Variants in OXR1 observed in about 807,000 individuals in gnomAD.
The protein encoded by OXR1 is oxidation resistance protein 1.
In OXR1, 41 loss-of-function variants were observed where a neutral mutation model predicts 104.6. That is an observed-to-expected ratio of 0.39 (90% CI 0.31 to 0.51). OXR1 has a LOEUF of 0.51. OXR1 is among the 20% of genes least tolerant of loss of function. The probability of loss-of-function intolerance (pLI) is 0.77; values close to 1 mark genes in which losing one functional copy is unlikely to be tolerated. For synonymous variants in OXR1, 348 were observed against 348.4 expected, an observed-to-expected ratio of 1.00 and a Z score of 0.01; for missense variants, 955 against 1,031.9, an observed-to-expected ratio of 0.93 and a Z score of 1.02.
At chr8:106,590,273 T>TC (rs1818973382) in intron 3 of OXR1, among the ~76,000 whole-genome samples, 1 of 151,910 alleles carries the variant, frequency 6.6e-6, no homozygotes, top group Non-Finnish European at 1.5e-5. Flanking sequence ...AGGTTTTTGG[T>TC]TTTTGTTGTT....
chr8:106,692,642 A>G, intron 6 of OXR1, 86 bp from the exon 7 acceptor site: 1 of 697,666 alleles, frequency 1.4e-6, no homozygotes, highest in African/African-American at 1.8e-5. Flanking sequence ...TATTGGGGAA[A>G]GCTATTCATT....
At chr8:106,656,568 AG>A (rs977491576) in intron 3 of OXR1, among the ~76,000 whole-genome samples, 6 of 152,204 alleles carry the variant, frequency 3.9e-5, no homozygotes, top group African/African-American at 1.2e-4. Context: ...ATAGGTCCTT[AG>A]GAAGTGCAGA....
At position 106,596,597 on chromosome 8, in the gene OXR1, G is replaced by A. The variant is rs868744620; in HGVS notation, c.220+77458G>A. On this transcript the variant is annotated intron_variant, in intron 3 of 16. Coordinates refer to ENST00000517566, the MANE Select transcript of OXR1 (RefSeq NM_001198533.2). ...GGTTAAGAGGGATCAAAAATAGAGG[G>A]TGTACACATTGTATTTTTAGAGAGG... Among the ~76,000 whole-genome samples the A allele has an allele frequency of 1.1e-4, 17 of 152,290 alleles. No individual in the cohort carries two copies. The South Asian group carries it at 2.1e-3, about 19-fold the overall frequency.
intron 1 of OXR1, among the ~76,000 whole-genome samples, chr8:106,303,769 C>A (rs924977026): frequency 3.3e-5 from 5 of 152,074 alleles, no homozygotes; most frequent in Admixed American, 2.0e-4. Context: ...GGCTTCCTTT[C>A]CAATACCCTT....
At chr8:106,588,263 AT>A (rs983307922) in intron 3 of OXR1, among the ~76,000 whole-genome samples, 184 of 145,982 alleles carry the variant, frequency 1.3e-3, no homozygotes, top group African/African-American at 1.9e-3. Context: ...CCGGCCAACA[AT>A]TTTTTTTTTT....
At chr8:106,711,975 G>A (rs142585743) in intron 10 of OXR1, among the ~76,000 whole-genome samples, 8 of 152,152 alleles carry the variant, frequency 5.3e-5, no homozygotes, top group Non-Finnish European at 8.8e-5. Flanking sequence ...CATAGGAAAT[G>A]CCTGTCTTAA....
intron 6 of OXR1, among the ~76,000 whole-genome samples, chr8:106,690,881 A>G (rs536119982): frequency 3.9e-5 from 6 of 152,058 alleles, no homozygotes; most frequent in African/African-American, 1.2e-4. Flanking sequence ...CTGTGCCTGT[A>G]TGGATTTTCC....
At chr8:106,425,256 G>T (rs979949337) in intron 2 of OXR1, among the ~76,000 whole-genome samples, 1 of 151,456 alleles carries the variant, frequency 6.6e-6, no homozygotes, top group African/African-American at 2.4e-5. Context: ...TAGAGCTGAG[G>T]TCTCACTATG....
At chr8:106,351,944 G>A (rs181646118) in intron 1 of OXR1, among the ~76,000 whole-genome samples, 1 of 152,284 alleles carries the variant, frequency 6.6e-6, no homozygotes, top group Non-Finnish European at 1.5e-5. Context: ...CAAGCTCACA[G>A]TTACCAATAA....
chr8:106,750,156 A>G (rs1173872280), intron 16 of OXR1, among the ~76,000 whole-genome samples: 3 of 120,486 alleles, frequency 2.5e-5, no homozygotes, highest in African/African-American at 8.0e-5. Context: ...ACACACATAC[A>G]CAAAAAAAAA....
chr8:106,497,316 A>T lies in OXR1; in HGVS notation c.24-21627A>T, dbSNP rs536098184. Among the ~76,000 whole-genome samples the T allele has an allele frequency of 4.6e-5, 7 of 152,306 alleles. No homozygotes were observed. In the East Asian group the frequency reaches 9.7e-4, roughly 21 times the overall value. ...TAATTTTTGTAAATTCATATTGGGG[A>T]TTCAATTAATGGAGAAATATGAGTC... On this transcript the variant is annotated intron_variant, in intron 2 of 16. Transcript: ENST00000517566.
intron 3 of OXR1, among the ~76,000 whole-genome samples, chr8:106,563,959 T>C (rs896848154): frequency 3.3e-5 from 5 of 152,168 alleles, no homozygotes; most frequent in African/African-American, 1.2e-4. Context: ...AGACACAATG[T>C]ACCAGAATCT....
chr8:106,581,233 A>G lies in OXR1; in HGVS notation c.220+62094A>G, dbSNP rs148323129. ...GCTGAATTCCAAGGAAATATGCCCA[A>G]TATCCATGAAGCTGAGAAGTAAGTT... On this transcript the variant is annotated intron_variant, in intron 3 of 16. Coordinates refer to ENST00000517566, the MANE Select transcript of OXR1 (RefSeq NM_001198533.2). 13 of 1,288,520 alleles carry G rather than the reference A, an allele frequency of 1.0e-5. No homozygotes were observed. In the South Asian group the frequency reaches 1.4e-4, roughly 13 times the overall value. 79.8% of individuals were successfully genotyped at this position (1,288,520 alleles called of 1,614,324 possible). A position where few individuals can be genotyped will look rare whatever the true frequency, so the allele number is the denominator to read the frequency against.
intron 3 of OXR1, among the ~76,000 whole-genome samples, chr8:106,643,109 A>T (rs889817691): frequency 1.3e-5 from 2 of 152,240 alleles, no homozygotes; most frequent in African/African-American, 4.8e-5. Flanking sequence ...TTGACTCAGT[A>T]ATTAGGGATA....
chr8:106,553,489 T>A (rs1816032635), intron 3 of OXR1, among the ~76,000 whole-genome samples: 1 of 151,856 alleles, frequency 6.6e-6, no homozygotes, highest in Non-Finnish European at 1.5e-5. Context: ...TGGCTAAATT[T>A]TTATATGATT....
intron 2 of OXR1, among the ~76,000 whole-genome samples, chr8:106,441,814 G>C (rs1819795435): frequency 6.6e-6 from 1 of 152,166 alleles, no homozygotes; most frequent in East Asian, 1.9e-4. Flanking sequence ...AGAAGTCTTT[G>C]GGGTGAGATG....
At chr8:106,695,913 C>A (rs901367849) in intron 7 of OXR1, among the ~76,000 whole-genome samples, 1 of 152,064 alleles carries the variant, frequency 6.6e-6, no homozygotes, top group Non-Finnish European at 1.5e-5. Flanking sequence ...CCCCTTTCCC[C>A]AGTTTCCCTT....
chr8:106,708,795 G>A (rs1831406009), intron 9 of OXR1, among the ~76,000 whole-genome samples: 1 of 152,036 alleles, frequency 6.6e-6, no homozygotes, highest in Admixed American at 6.6e-5. Flanking sequence ...TTCCCAGAGT[G>A]GAATTCTGGA....
intron 3 of OXR1, among the ~76,000 whole-genome samples, chr8:106,527,753 C>T (rs1354985721): frequency 6.6e-6 from 1 of 152,120 alleles, no homozygotes; most frequent in African/African-American, 2.4e-5. Context: ...TTAATAAATG[C>T]TTATAACATT....
Sources: allele counts gnomAD v4.1 joint callset (sites outside exome capture counted in the v4.1 genomes callset), GRCh38; gene constraint gnomAD v4.1.1; transcripts MANE v1.5; gene names NCBI Gene and HGNC (gene_info 2026-07-23, HGNC 2026-07-21).